Variants in KDM6B observed in about 807,000 individuals in gnomAD.
KDM6B encodes the protein lysine demethylase 6B, also known as lysine-specific demethylase 6B.
A neutral mutation model predicts 150.4 loss-of-function variants in KDM6B; 22 were observed. The ratio of observed to expected loss-of-function variants is 0.15; its 90% confidence interval spans 0.10 to 0.21. The LOEUF (loss-of-function observed/expected upper bound fraction) is 0.21, where lower values mean the gene tolerates loss of function less well. KDM6B is among the 10% of genes least tolerant of loss of function. The pLI, the probability that KDM6B is intolerant of heterozygous loss-of-function variation, is 1.00. For synonymous variants in KDM6B, 1,148 were observed against 921.1 expected, an observed-to-expected ratio of 1.25 and a Z score of -4.46; for missense variants, 1,984 against 2,234.3, an observed-to-expected ratio of 0.89 and a Z score of 2.26.
chr17:7,835,319 G>A (rs372297133), intron 1 of KDM6B, among the ~76,000 whole-genome samples: 142 of 152,228 alleles, frequency 9.3e-4, no homozygotes, highest in African/African-American at 3.2e-3. Context: ...CACTGGTGGG[G>A]GTTAGAGACA....
chr17:7,845,461 G>T lies in KDM6B; in HGVS notation c.-6+5G>T. 6.5e-7 allele frequency: 1 copy of T among 1,528,908 alleles called. No individual in the cohort carries two copies. Among genetic ancestry groups the T allele is most frequent in the South Asian group, 1.1e-5 (1 of 89,150 alleles). 94.7% of individuals were successfully genotyped at this position (1,528,908 alleles called of 1,614,324 possible). A position where few individuals can be genotyped will look rare whatever the true frequency, so the allele number is the denominator to read the frequency against. On this transcript the variant is annotated splice_donor_5th_base_variant and intron_variant, in intron 4 of 23. Transcript: ENST00000448097. The stretch of plus-strand genomic sequence containing the variant: ...CCTGGGGCCACTGCTGACCTGGTAA[G>T]GGAAACTCTGGGGCCGAGCTGGCTG...
chr17:7,836,114 C>A (rs972123399), intron 1 of KDM6B, among the ~76,000 whole-genome samples: 2 of 152,244 alleles, frequency 1.3e-5, no homozygotes, highest in African/African-American at 4.8e-5. Context: ...CAAGGCTTCT[C>A]CCGCCCGGGC....
intron 1 of KDM6B, among the ~76,000 whole-genome samples, chr17:7,836,553 A>G (rs1409084872): frequency 6.6e-6 from 1 of 152,120 alleles, no homozygotes; most frequent in Non-Finnish European, 1.5e-5. Context: ...GCCGGCCCCC[A>G]CCGAGATCTC....
intron 2 of KDM6B, chr17:7,840,775 TTGG>T (rs1299612300): frequency 6.6e-6 from 1 of 152,256 alleles, no homozygotes; most frequent in Admixed American, 6.5e-5. Flanking sequence ...GTTTTGCACA[TTGG>T]GGTGCATGGT....
rs142473008 is a variant in KDM6B, at chr17:7,848,279, C to T, written c.1991C>T (p.Pro664Leu). 140 of 1,612,350 alleles carry T rather than the reference C, an allele frequency of 8.7e-5. No homozygotes were observed. The highest frequency in any genetic ancestry group is 1.2e-4 in the Non-Finnish European group (136 of 1,179,812). Residue 664 changes from proline (P) to leucine (L), a missense_variant, in exon 12 of 24, where the codon CCT becomes CTT. Transcript: ENST00000448097. ...QPVPPGVGEL[P>L]ARGPRLFDFP... ...GTGCCGCCCGGGGTTGGGGAGCTGCCTGCCCGAGGCCCTCGACTCTTTGAT... is the reference window on the plus strand; with the variant it reads ...GTGCCGCCCGGGGTTGGGGAGCTGCTTGCCCGAGGCCCTCGACTCTTTGAT...
At chr17:7,840,350 C>T (rs2078395700) in intron 2 of KDM6B, 1 of 152,160 alleles carries the variant, frequency 6.6e-6, no homozygotes, top group Non-Finnish European at 1.5e-5. Flanking sequence ...ATATGAGCTA[C>T]CCTGGAGGAA....
At chr17:7,837,261 G>GA (rs1271498457) in intron 1 of KDM6B, among the ~76,000 whole-genome samples, 3 of 151,816 alleles carry the variant, frequency 2.0e-5, no homozygotes, top group African/African-American at 7.3e-5. Flanking sequence ...GGGAGTGGTT[G>GA]AAAGACGGAA....
In KDM6B at chr17:7,849,019, T is replaced by C. The variant is rs370580217; in HGVS notation, c.2731T>C (p.Ser911Pro). ...PLSLPPARSE[S>P]EVLEEISRAC... is the part of the protein sequence containing the mutation. ...ATCTCTGCCCCCTGCTCGCTCTGAG[T>C]CTGAGGTGCTAGAAGAGATCAGCCG... The change falls in exon 12 of 24, where the codon TCT becomes CCT. Residue 911 changes from serine to proline, a missense_variant. Around this residue, in one of 13 missense-constraint regions of KDM6B, gnomAD observed 1,379 missense variants for 1,275.6 expected, o/e 1.08. Transcript: ENST00000448097. 5 of 1,583,952 alleles carry C rather than the reference T, an allele frequency of 3.2e-6. No homozygotes were observed. In the African/African-American group the frequency reaches 7.1e-5, roughly 23 times the overall value.
In KDM6B at chr17:7,843,787, C is replaced by T. The variant is rs2078468636; in HGVS notation, c.-268-1114C>T. Reference sequence around the variant, plus strand: ...GGGAGCCGAGTCGGCTCCCTACCTGCGGGGACGCCGGGTAGGCAAGGAGGA... The same window carrying T: ...GGGAGCCGAGTCGGCTCCCTACCTGTGGGGACGCCGGGTAGGCAAGGAGGA... On this transcript the variant is annotated intron_variant, in intron 2 of 23. Transcript: ENST00000448097. The surrounding 1 kb of genome is among the most constrained non-coding windows in gnomAD (Gnocchi z 4.5). 6.6e-6 allele frequency among the ~76,000 whole-genome samples: 1 copy of T among 152,092 alleles called. No homozygotes were observed. The highest frequency in any genetic ancestry group is 6.5e-5 in the Admixed American group (1 of 15,276).
chr17:7,842,182 G>C (rs1208665421), intron 2 of KDM6B, among the ~76,000 whole-genome samples: 1 of 152,136 alleles, frequency 6.6e-6, no homozygotes, highest in Non-Finnish European at 1.5e-5. Flanking sequence ...AGTTAAGTGG[G>C]TGTGATTGAT....
rs1251542531 is a variant in KDM6B at position 7,844,158 on chromosome 17, C to A, written c.-268-743C>A. ...CCCCCCTCCCTTGGGGGGCGGGGGC[C>A]ACGTGGGCCGTGGGGAACCGCGTGG... On this transcript the variant is annotated intron_variant, in intron 2 of 23. Coordinates refer to ENST00000448097, the MANE Select transcript of KDM6B (RefSeq NM_001348716.2). This position sits in a 1 kb window ranked among gnomAD's most constrained non-coding sequence, Gnocchi z 5.9. 6.6e-6 allele frequency: 1 copy of A among 151,530 alleles called. No homozygotes were observed. The highest frequency in any genetic ancestry group is 2.1e-4 in the South Asian group (1 of 4,770). The allele number at this position is 151,530 out of a possible 1,614,324, so 9.4% of individuals were successfully genotyped here.
Position 7,847,818 on chromosome 17 carries a change from A to AGC in KDM6B, c.1530_1531insGC (p.Pro511AlafsTer72). 4.9e-6 allele frequency: 7 copies of AGC among 1,416,338 alleles called. No homozygotes were observed. The highest frequency in any genetic ancestry group is 6.6e-6 in the Non-Finnish European group (7 of 1,060,906). 87.7% of individuals were successfully genotyped at this position (1,416,338 alleles called of 1,614,324 possible). On this transcript the variant is annotated frameshift_variant, in exon 12 of 24. Coordinates refer to ENST00000448097, the MANE Select transcript of KDM6B (RefSeq NM_001348716.2). LOFTEE classifies it high-confidence loss of function. ...AAGAGCTCTTCTTTGGGACTGAGGG[A>AGC]CCCCCCCGCCCTGCCCCACCACCCC...
At chr17:7,839,208 A>G (rs1216811109) in intron 1 of KDM6B, among the ~76,000 whole-genome samples, 3 of 152,112 alleles carry the variant, frequency 2.0e-5, no homozygotes, top group Admixed American at 6.5e-5. Context: ...CTTCTTGTCT[A>G]TGAGGGTTGG....
chr17:7,846,546 G>T (rs773104275), intron 8 of KDM6B, 33 bp from the exon 9 acceptor site: 5 of 1,614,056 alleles, frequency 3.1e-6, no homozygotes, highest in Non-Finnish European at 4.2e-6. Context: ...GCCTGCACCC[G>T]TGCCATTTTC....
At chr17:7,845,269 A>T in intron 3 of KDM6B, 45 bp from the exon 4 acceptor site, 1 of 563,760 alleles carries the variant, frequency 1.8e-6, no homozygotes, top group Non-Finnish European at 3.2e-6. Context: ...CTGGGCCTTG[A>T]CTGTGTGCTG....
In KDM6B at chr17:7,845,694, G is replaced by A. The variant is rs1349815191; in HGVS notation, c.137+3G>A. Reference sequence around the variant, plus strand: ...AGCGCATGGCTGCCTGGAGGCAGGTGAGAAGTTGGGGCCCTCTGTCTCCAG... The same window carrying A: ...AGCGCATGGCTGCCTGGAGGCAGGTAAGAAGTTGGGGCCCTCTGTCTCCAG... On this transcript the variant is annotated splice_donor_region_variant and intron_variant, in intron 5 of 23. Transcript: ENST00000448097. 1.2e-6 allele frequency: 2 copies of A among 1,614,050 alleles called. No homozygotes were observed. Among genetic ancestry groups the A allele is most frequent in the Non-Finnish European group, 1.7e-6 (2 of 1,180,040 alleles).
chr17:7,851,944 C>T lies in KDM6B; in HGVS notation c.4166-7C>T, dbSNP rs762286379. Reference sequence around the variant, plus strand: ...CCAGCCATGCCGTTCTCTGTCGACCCCTGCAGGCCACCAGGAGAATAACAA... The same window carrying T: ...CCAGCCATGCCGTTCTCTGTCGACCTCTGCAGGCCACCAGGAGAATAACAA... On this transcript the variant is annotated splice_region_variant and splice_polypyrimidine_tract_variant and intron_variant, in intron 18 of 23. Coordinates refer to ENST00000448097, the MANE Select transcript of KDM6B (RefSeq NM_001348716.2). 1 of 1,613,346 alleles carries T rather than the reference C, an allele frequency of 6.2e-7. No homozygotes were observed. Among genetic ancestry groups the T allele is most frequent in the Non-Finnish European group, 8.5e-7 (1 of 1,179,598 alleles).
At position 7,844,993 on chromosome 17, in the gene KDM6B, G is replaced by C; in HGVS notation, c.-176G>C. ...CCAGATCTCTGGAGCTTGCCGACGC[G>C]GTGTGAGGACGCTCCCACGGAGGCC... On this transcript the variant is annotated 5_prime_UTR_variant, in exon 3 of 24. Coordinates refer to ENST00000448097, the MANE Select transcript of KDM6B (RefSeq NM_001348716.2). This position sits in a 1 kb window ranked among gnomAD's most constrained non-coding sequence, Gnocchi z 5.9. 5.7e-6 allele frequency: 1 copy of C among 175,702 alleles called. No individual in the cohort carries two copies. Among genetic ancestry groups the C allele is most frequent in the South Asian group, 1.1e-4 (1 of 9,038 alleles). The allele number at this position is 175,702 out of a possible 1,614,324, so 10.9% of individuals were successfully genotyped here. A position where few individuals can be genotyped will look rare whatever the true frequency, so the allele number is the denominator to read the frequency against.
Position 7,847,920 on chromosome 17 carries a change from C to A in KDM6B, c.1632C>A (p.Pro544=), listed in dbSNP as rs1597842874. The A allele has an allele frequency of 6.2e-7, 1 of 1,611,706 alleles. No individual in the cohort carries two copies. The highest frequency in any genetic ancestry group is 1.3e-5 in the African/African-American group (1 of 74,610). The change falls in exon 12 of 24, where the codon CCC becomes CCA. Residue 544 remains proline (P), a synonymous_variant. Transcript: ENST00000448097. ...SVGTQDSHTP[P]TPPTPTTSSS... is the part of the protein sequence containing the mutation. ...GCACTCAGGATTCTCACACCCCTCC[C>A]ACTCCCCCAACCCCAACCACCAGCA...
Sources: allele counts gnomAD v4.1 joint callset (sites outside exome capture counted in the v4.1 genomes callset), GRCh38; gene constraint gnomAD v4.1.1; regional missense constraint gnomAD v4.1.1; non-coding constraint Gnocchi (gnomAD v3.1); transcripts MANE v1.5; gene names NCBI Gene and HGNC (gene_info 2026-07-23, HGNC 2026-07-21).